ZNF804A: variants seen among roughly 807,000 people sequenced by gnomAD.
The protein encoded by ZNF804A is zinc finger protein 804A.
In ZNF804A, 2 loss-of-function variants were observed where a neutral mutation model predicts 16.5. That is an observed-to-expected ratio of 0.12 (90% confidence interval 0.05 to 0.38). The LOEUF (loss-of-function observed/expected upper bound fraction) is 0.38. Among genes scored for constraint, ZNF804A ranks in the 10% least tolerant of loss-of-function variants. The pLI is 0.99. For missense variants in ZNF804A, 1,473 were observed against 1,390.7 expected (o/e 1.06, Z -0.94); for synonymous variants, 534 against 489.6 (o/e 1.09, Z -1.20).
intron 1 of ZNF804A, among the ~76,000 whole-genome samples, chr2:184,668,930 C>T (rs534831473): frequency 1.1e-4 from 16 of 152,030 alleles, no homozygotes; most frequent in South Asian, 2.1e-4. Flanking sequence ...CTTTCTTGGT[C>T]AGCAGAACAT....
At chr2:184,684,599 G>T (rs1692598231) in intron 1 of ZNF804A, among the ~76,000 whole-genome samples, 1 of 151,960 alleles carries the variant, frequency 6.6e-6, no homozygotes, top group South Asian at 2.1e-4. Context: ...TTTACATACT[G>T]GGGGGTACAT....
chr2:184,782,552 C>G (rs988235128), intron 1 of ZNF804A, among the ~76,000 whole-genome samples: 1 of 151,534 alleles, frequency 6.6e-6, no homozygotes, highest in African/African-American at 2.4e-5. Context: ...TTAGACTCCA[C>G]GTTCTTCAGT....
intron 1 of ZNF804A, among the ~76,000 whole-genome samples, chr2:184,671,456 A>T (rs551519480): frequency 6.6e-6 from 1 of 152,078 alleles, no homozygotes; most frequent in African/African-American, 2.4e-5. Flanking sequence ...CTGCAGGTAG[A>T]TTGGCTTTGT....
intron 1 of ZNF804A, among the ~76,000 whole-genome samples, chr2:184,664,807 T>G (rs1692230986): frequency 6.6e-6 from 1 of 152,138 alleles, no homozygotes; most frequent in South Asian, 2.1e-4. Flanking sequence ...TATTTTGTCT[T>G]TACGACAGCT....
intron 2 of ZNF804A, among the ~76,000 whole-genome samples, chr2:184,896,096 T>G (rs1010369663): frequency 6.6e-6 from 1 of 152,138 alleles, no homozygotes; most frequent in African/African-American, 2.4e-5. Context: ...CTGAAAATTT[T>G]TGAATGTTTG....
chr2:184,814,394 G>C (rs1186771010), intron 1 of ZNF804A, among the ~76,000 whole-genome samples: 1 of 152,022 alleles, frequency 6.6e-6, no homozygotes, highest in Non-Finnish European at 1.5e-5. Flanking sequence ...TCAGACGTCA[G>C]TTTTCTCATT....
intron 1 of ZNF804A, among the ~76,000 whole-genome samples, chr2:184,659,418 A>G (rs1400375233): frequency 6.6e-6 from 1 of 152,142 alleles, no homozygotes; most frequent in Non-Finnish European, 1.5e-5. Flanking sequence ...CTTTATATGC[A>G]CATTTTTAAT....
intron 1 of ZNF804A, among the ~76,000 whole-genome samples, chr2:184,777,454 C>T (rs760807691): frequency 8.6e-5 from 13 of 151,384 alleles, no homozygotes; most frequent in African/African-American, 2.4e-4. Flanking sequence ...TTACATGATA[C>T]GAGGAAGTAT....
chr2:184,713,300 T>A (rs1693159357), intron 1 of ZNF804A, among the ~76,000 whole-genome samples: 1 of 151,918 alleles, frequency 6.6e-6, no homozygotes. Context: ...CAGTTCTCCA[T>A]ATTCTCCACT....
chr2:184,866,275 A>G, intron 1 of ZNF804A, 94 bp from the exon 2 acceptor site: 1 of 1,141,850 alleles, frequency 8.8e-7, no homozygotes, highest in South Asian at 1.6e-5. Flanking sequence ...TTCTGTTTCT[A>G]ACTCTAATTA....
intron 1 of ZNF804A, among the ~76,000 whole-genome samples, chr2:184,854,862 G>T (rs6717857): frequency 6.6e-6 from 1 of 151,908 alleles, no homozygotes; most frequent in Admixed American, 6.6e-5. Flanking sequence ...AACAAGCAAA[G>T]ATCTATCACA....
chr2:184,704,371 C>T (rs1277277706), intron 1 of ZNF804A, among the ~76,000 whole-genome samples: 1 of 151,944 alleles, frequency 6.6e-6, no homozygotes, highest in Non-Finnish European at 1.5e-5. Flanking sequence ...AGGCTGGTCT[C>T]GAACTCCCAA....
chr2:184,869,521 T>C (rs1460379652), intron 2 of ZNF804A, among the ~76,000 whole-genome samples: 2 of 152,036 alleles, frequency 1.3e-5, no homozygotes, highest in African/African-American at 4.8e-5. Flanking sequence ...CTGTCTATTA[T>C]TAGGGAAATT....
chr2:184,764,873 T>C (rs1246656042), intron 1 of ZNF804A, among the ~76,000 whole-genome samples: 1 of 152,128 alleles, frequency 6.6e-6, no homozygotes, highest in Admixed American at 6.5e-5. Context: ...CATACAATTA[T>C]GACAATCATT....
chr2:184,849,449 G>T (rs150178168), intron 1 of ZNF804A, among the ~76,000 whole-genome samples: 130 of 152,066 alleles, frequency 8.5e-4, no homozygotes, highest in African/African-American at 2.8e-3. Flanking sequence ...TAATGCAGAA[G>T]AATGGAACTA....
intron 1 of ZNF804A, among the ~76,000 whole-genome samples, chr2:184,626,268 C>A (rs1336014635): frequency 6.6e-6 from 1 of 152,032 alleles, no homozygotes; most frequent in Non-Finnish European, 1.5e-5. Flanking sequence ...ATTTTGAGAG[C>A]AGCTTGAGTG....
At position 184,731,407 on chromosome 2, in the gene ZNF804A, G is replaced by A. The variant is rs530646073; in HGVS notation, c.111+132337G>A. ...CTTGTCAGCATTTGGTGTTGTCAGT[G>A]TTCTGGATTTTGGCCATTCGAATAG... is the stretch of plus-strand genomic sequence containing the variant. On this transcript the variant is annotated intron_variant, in intron 1 of 3. Transcript: ENST00000302277. 2.6e-4 allele frequency among the ~76,000 whole-genome samples: 39 copies of A among 151,846 alleles called. 1 individual carries two copies. The highest frequency in any genetic ancestry group is 8.9e-4 in the African/African-American group (37 of 41,410).
At chr2:184,758,910 A>G (rs1031474693) in intron 1 of ZNF804A, among the ~76,000 whole-genome samples, 1 of 151,928 alleles carries the variant, frequency 6.6e-6, no homozygotes, top group African/African-American at 2.4e-5. Context: ...GCTTGTTTAC[A>G]TTGCATTTCT....
intron 2 of ZNF804A, among the ~76,000 whole-genome samples, chr2:184,919,526 C>A (rs559068961): frequency 6.6e-6 from 1 of 152,320 alleles, no homozygotes; most frequent in African/African-American, 2.4e-5. Flanking sequence ...AAATTCTTCT[C>A]TGCTGAGGTG....
Sources: allele counts gnomAD v4.1 joint callset (sites outside exome capture counted in the v4.1 genomes callset), GRCh38; gene constraint gnomAD v4.1.1; transcripts MANE v1.5; gene names NCBI Gene and HGNC (gene_info 2026-07-23, HGNC 2026-07-21).